The following SUPT6H variants were observed in gnomAD, a reference collection of about 807,000 sequenced individuals.
SUPT6H encodes the protein SPT6 homolog, histone chaperone and transcription elongation factor.
Under a neutral mutation model 222.3 loss-of-function variants are expected in SUPT6H, and 11 were observed. The observed-to-expected ratio is 0.05, with a 90% CI of 0.03 to 0.08. SUPT6H has a LOEUF of 0.08. Ranked by LOEUF, SUPT6H falls within the 10% of genes least tolerant of loss-of-function variation. The pLI is 1.00. For missense variants in SUPT6H, 1,422 were observed against 2,216.0 expected (o/e 0.64, Z 7.19); for synonymous variants, 762 against 801.2 (o/e 0.95, Z 0.83).
At chr17:28,694,324 C>A (rs556576546) in intron 28 of SUPT6H, among the ~76,000 whole-genome samples, 6 of 152,330 alleles carry the variant, frequency 3.9e-5, no homozygotes, top group Admixed American at 2.6e-4. Context: ...GGCTCCATTT[C>A]TGTTCTGTTA....
Position 28,674,950 on chromosome 17 carries a change from G to T in SUPT6H, c.346-20G>T. ...GCCAGACTCCTCAGATCCTGATAAG[G>T]CAGGTTTTCCCACCCCTAGCAAAAG... On this transcript the variant is annotated intron_variant, in intron 4 of 36. Coordinates refer to ENST00000314616, the MANE Select transcript of SUPT6H (RefSeq NM_003170.5). 1 of 1,611,612 alleles carries T rather than the reference G, an allele frequency of 6.2e-7. No individual in the cohort carries two copies. The highest frequency in any genetic ancestry group is 8.5e-7 in the Non-Finnish European group (1 of 1,178,680).
intron 36 of SUPT6H, 146 bp from the exon 37 acceptor site, chr17:28,701,293 G>A (rs1477916289): frequency 1.5e-6 from 2 of 1,373,082 alleles, no homozygotes; most frequent in Non-Finnish European, 2.0e-6. Context: ...AGGGCAGTAT[G>A]GCAGCCAGCT....
rs191973369 is a variant in SUPT6H at position 28,673,370 on chromosome 17, G to A, written c.-31-1G>A. 23 of 1,548,238 alleles carry A rather than the reference G, an allele frequency of 1.5e-5. No individual in the cohort carries two copies. The East Asian group carries it at 4.9e-4, about 33-fold the overall frequency. On this transcript the variant is annotated splice_acceptor_variant, in intron 1 of 36. Coordinates refer to ENST00000314616, the MANE Select transcript of SUPT6H (RefSeq NM_003170.5). LOFTEE classifies it low-confidence loss of function (5UTR_SPLICE). ...TATCCTTCACTCTTTTCTTTCCCTA[G>A]TTATCTTCAGGCAGAGTGAGAAGCT... is the stretch of plus-strand genomic sequence containing the variant.
chr17:28,681,859 A>G, intron 12 of SUPT6H, 23 bp from the exon 13 acceptor site: 1 of 1,590,642 alleles, frequency 6.3e-7, no homozygotes, highest in Non-Finnish European at 8.6e-7. Context: ...AGAACCCTAA[A>G]TCTCCCCATG....
chr17:28,690,447 G>A (rs973466869), intron 26 of SUPT6H, among the ~76,000 whole-genome samples: 1 of 152,186 alleles, frequency 6.6e-6, no homozygotes, highest in African/African-American at 2.4e-5. Flanking sequence ...CATGCAGTTA[G>A]TCTTCTTATA....
intron 1 of SUPT6H, chr17:28,670,866 CAA>C (rs2030371417): frequency 3.9e-5 from 6 of 152,040 alleles, no homozygotes; most frequent in Admixed American, 1.3e-4. Context: ...GCCTGGGCAA[CAA>C]GAGCGAAACT....
chr17:28,701,117 G>A lies in SUPT6H; in HGVS notation c.4983G>A (p.Gln1661=). The A allele has an allele frequency of 6.2e-7, 1 of 1,609,520 alleles. No homozygotes were observed. Among genetic ancestry groups the A allele is most frequent in the Non-Finnish European group, 8.5e-7 (1 of 1,178,998 alleles). Residue 1661 remains glutamine (Q), a synonymous_variant, in exon 36 of 37, where the codon CAG becomes CAA. Transcript: ENST00000314616. Reference sequence around the variant, plus strand: ...CCTCTTCCAGCTCCCGGCAACGGCAGCAGCAGCCAAAGTAAGTATCTGGAT... The same window carrying A: ...CCTCTTCCAGCTCCCGGCAACGGCAACAGCAGCCAAAGTAAGTATCTGGAT... ...PQPSSSSRQR[Q]QQPKSNSHAA... is the part of the protein sequence containing the mutation.
chr17:28,687,554 G>A, intron 23 of SUPT6H, 83 bp downstream of exon 23: 1 of 1,441,434 alleles, frequency 6.9e-7, no homozygotes, highest in South Asian at 1.3e-5. Flanking sequence ...TAATTTGACA[G>A]ATTGGGAGGA....
chr17:28,682,215 G>T, intron 13 of SUPT6H: 1 of 463,798 alleles, frequency 2.2e-6, no homozygotes, highest in East Asian at 3.5e-5. Context: ...CATGATTGGA[G>T]GGAGAGAGTC....
chr17:28,678,055 T>TTC, intron 8 of SUPT6H, 21 bp from the exon 9 acceptor site: 1 of 1,603,190 alleles, frequency 6.2e-7, no homozygotes, highest in Non-Finnish European at 8.5e-7. Flanking sequence ...GTCTTGCTAT[T>TTC]TCTTTATTTT....
chr17:28,675,534 A>G, intron 6 of SUPT6H, 49 bp downstream of exon 6: 2 of 1,600,490 alleles, frequency 1.2e-6, no homozygotes, highest in Non-Finnish European at 1.7e-6. Context: ...GAGTGGGCCC[A>G]GTCAGGAAGG....
intron 32 of SUPT6H, among the ~76,000 whole-genome samples, chr17:28,699,550 C>T (rs1255922245): frequency 6.6e-6 from 1 of 152,190 alleles, no homozygotes; most frequent in Non-Finnish European, 1.5e-5. Context: ...CTCCAGCAAG[C>T]CTTCCTCCGG....
rs761488869 is a variant in SUPT6H, at chr17:28,681,245, T to C, written c.1350-11T>C. On this transcript the variant is annotated splice_polypyrimidine_tract_variant and intron_variant, in intron 11 of 36. Transcript: ENST00000314616. Reference sequence around the variant, plus strand: ...AGTGATGACTGAAACCTTATGTCTCTTCTTTTTCAGGCTCAAGGATGTCCA... The same window carrying C: ...AGTGATGACTGAAACCTTATGTCTCCTCTTTTTCAGGCTCAAGGATGTCCA... The C allele has an allele frequency of 3.1e-6, 5 of 1,613,450 alleles. No individual in the cohort carries two copies. In the African/African-American group the frequency reaches 4.0e-5, roughly 13 times the overall value.
At chr17:28,692,228 G>T (rs1597715118) in intron 27 of SUPT6H, among the ~76,000 whole-genome samples, 1 of 151,164 alleles carries the variant, frequency 6.6e-6, no homozygotes, top group South Asian at 2.1e-4. Context: ...GGAGGCTGAG[G>T]CAGGAGAATG....
intron 4 of SUPT6H, 157 bp from the exon 5 acceptor site, chr17:28,674,813 G>A: frequency 1.9e-6 from 2 of 1,042,062 alleles, no homozygotes; most frequent in Non-Finnish European, 1.4e-6. Flanking sequence ...AAGTTTCAAG[G>A]ATGGGCTTTG....
intron 31 of SUPT6H, 37 bp downstream of exon 31, chr17:28,697,770 A>G (rs753450294): frequency 6.8e-6 from 11 of 1,611,410 alleles, no homozygotes; most frequent in South Asian, 1.1e-5. Flanking sequence ...ACACTTGCCA[A>G]TCACTTAAGG....
chr17:28,689,584 C>T (rs199676494), intron 25 of SUPT6H, 23 bp downstream of exon 25: 8 of 1,611,738 alleles, frequency 5.0e-6, no homozygotes, highest in African/African-American at 2.7e-5. Context: ...ATGGAAGGCC[C>T]GGCAGGAGAA....
At chr17:28,691,291 C>T (rs2031630552) in intron 27 of SUPT6H, 1 of 490,974 alleles carries the variant, frequency 2.0e-6, no homozygotes, top group Non-Finnish European at 3.6e-6. Context: ...CTTTGGGGGC[C>T]AAGGTGGGCG....
intron 17 of SUPT6H, 24 bp from the exon 18 acceptor site, chr17:28,684,562 T>C (rs1348186798): frequency 6.2e-7 from 1 of 1,613,854 alleles, no homozygotes; most frequent in African/African-American, 1.3e-5. Context: ...ATGTATGTAA[T>C]ACCTGTTGTG....
Sources: gnomAD v4.1 joint callset for allele counts (sites outside exome capture counted in the v4.1 genomes callset) on GRCh38, gnomAD v4.1.1 for gene constraint, MANE v1.5 for transcripts, NCBI Gene and HGNC (gene_info 2026-07-23, HGNC 2026-07-21) for gene names.